DIAPH3: variants seen among roughly 807,000 people sequenced by gnomAD.
The protein encoded by DIAPH3 is protein diaphanous homolog 3.
Under a neutral mutation model 144.3 loss-of-function variants are expected in DIAPH3, and 117 were observed. The ratio of observed to expected loss-of-function variants is 0.81; its 90% CI spans 0.70 to 0.95. The LOEUF is 0.95. Ranked by LOEUF, DIAPH3 falls within the 40% of genes least tolerant of loss-of-function variation. The probability of loss-of-function intolerance (pLI) is 0.00; values close to 1 mark genes in which losing one functional copy is unlikely to be tolerated. For synonymous variants in DIAPH3, 519 were observed against 488.9 expected (o/e 1.06, Z -0.81); for missense variants, 1,421 against 1,412.7 (o/e 1.01, Z -0.09).
At chr13:59,746,614 T>C (rs969498294) in intron 27 of DIAPH3, among the ~76,000 whole-genome samples, 2 of 152,302 alleles carry the variant, frequency 1.3e-5, no homozygotes, top group East Asian at 1.9e-4. Context: ...TTCCAGATCA[T>C]TATCTCCAAA....
intron 2 of DIAPH3, 76 bp downstream of exon 2, chr13:60,132,881 T>C (rs2138236119): frequency 1.6e-6 from 2 of 1,255,312 alleles, no homozygotes; most frequent in Non-Finnish European, 2.3e-6. Context: ...ATTTCAAAGA[T>C]GTTAGCAGAG....
intron 4 of DIAPH3, among the ~76,000 whole-genome samples, chr13:60,076,084 G>A (rs2057369490): frequency 6.6e-6 from 1 of 152,226 alleles, no homozygotes; most frequent in Non-Finnish European, 1.5e-5. Flanking sequence ...TTTGGCACAA[G>A]TCCAGCTTGT....
chr13:60,008,190 G>A (rs530206768), intron 9 of DIAPH3, among the ~76,000 whole-genome samples: 12 of 152,064 alleles, frequency 7.9e-5, no homozygotes, highest in Admixed American at 2.6e-4. Context: ...TCAGGAGATC[G>A]AGACCATCCT....
At chr13:60,020,291 C>A (rs1436602420) in intron 5 of DIAPH3, among the ~76,000 whole-genome samples, 3 of 152,188 alleles carry the variant, frequency 2.0e-5, no homozygotes, top group Admixed American at 2.0e-4. Context: ...GATCTCCACA[C>A]CATTACTGAA....
At chr13:59,768,336 T>C (rs936835826) in intron 27 of DIAPH3, among the ~76,000 whole-genome samples, 10 of 152,172 alleles carry the variant, frequency 6.6e-5, no homozygotes, top group Admixed American at 5.9e-4. Flanking sequence ...TTTAATATAT[T>C]GTTCCTTATG....
At chr13:59,859,457 A>G (rs1317783392) in intron 22 of DIAPH3, among the ~76,000 whole-genome samples, 2 of 152,218 alleles carry the variant, frequency 1.3e-5, no homozygotes, top group Non-Finnish European at 2.9e-5. Context: ...AAAGAATTTT[A>G]AGTATGAGTC....
intron 4 of DIAPH3, among the ~76,000 whole-genome samples, chr13:60,065,822 T>C (rs983411519): frequency 4.6e-5 from 7 of 152,010 alleles, no homozygotes; most frequent in East Asian, 1.9e-4. Flanking sequence ...TGGGGGTGGG[T>C]AGGTAATTAA....
chr13:60,090,125 G>A (rs1401377268), intron 4 of DIAPH3, among the ~76,000 whole-genome samples: 1 of 152,140 alleles, frequency 6.6e-6, no homozygotes, highest in African/African-American at 2.4e-5. Context: ...TTTCATGAGG[G>A]AGGGAAACCT....
At chr13:59,851,511 T>A (rs779646379) in intron 22 of DIAPH3, among the ~76,000 whole-genome samples, 1 of 152,344 alleles carries the variant, frequency 6.6e-6, no homozygotes, top group African/African-American at 2.4e-5. Flanking sequence ...TTGGCTTGGT[T>A]CTATATCTGC....
chr13:59,686,655 A>G (rs1168960043), intron 27 of DIAPH3, among the ~76,000 whole-genome samples: 1 of 152,116 alleles, frequency 6.6e-6, no homozygotes, highest in Non-Finnish European at 1.5e-5. Context: ...TGTAGCAAAT[A>G]TAATCTCTGA....
intron 20 of DIAPH3, among the ~76,000 whole-genome samples, chr13:59,895,420 A>T: frequency 6.7e-6 from 1 of 149,368 alleles, no homozygotes; most frequent in Non-Finnish European, 1.5e-5. Flanking sequence ...AACTTGATCC[A>T]ATGTTAAAGG....
At chr13:60,093,803 G>A in intron 3 of DIAPH3, 71 bp from the exon 4 acceptor site, 1 of 966,114 alleles carries the variant, frequency 1.0e-6, no homozygotes, top group South Asian at 1.3e-5. Context: ...CACTACAAAT[G>A]GAAAAATCAA....
intron 17 of DIAPH3, among the ~76,000 whole-genome samples, chr13:59,960,201 G>T (rs573096364): frequency 2.6e-5 from 4 of 152,300 alleles, no homozygotes; most frequent in South Asian, 4.1e-4. Flanking sequence ...TACCTGTGAA[G>T]CTAGTAGGGA....
intron 14 of DIAPH3, among the ~76,000 whole-genome samples, chr13:59,975,727 G>T (rs951659295): frequency 2.0e-5 from 3 of 151,960 alleles, no homozygotes; most frequent in African/African-American, 7.2e-5. Flanking sequence ...TTACAGGGAA[G>T]GAAGGTAAAT....
chr13:60,015,775 T>C (rs950045635), intron 7 of DIAPH3, 138 bp downstream of exon 7: 2 of 803,152 alleles, frequency 2.5e-6, no homozygotes, highest in East Asian at 2.7e-5. Context: ...CAGTTGAAAC[T>C]AGAATTCAAT....
intron 20 of DIAPH3, among the ~76,000 whole-genome samples, chr13:59,904,918 A>G (rs1310060395): frequency 6.6e-6 from 1 of 152,178 alleles, no homozygotes; most frequent in Non-Finnish European, 1.5e-5. Flanking sequence ...CAATAAATAC[A>G]TAATAACTGC....
intron 27 of DIAPH3, among the ~76,000 whole-genome samples, chr13:59,757,392 C>CTTTTTTTTT (rs558678599): frequency 1.1e-5 from 1 of 93,046 alleles, no homozygotes; most frequent in Non-Finnish European, 2.0e-5. Context: ...ATGGGTCATC[C>CTTTTTTTTT]TTTTTTTTTT....
intron 1 of DIAPH3, among the ~76,000 whole-genome samples, chr13:60,152,104 A>AC (rs1951815690): frequency 6.6e-6 from 1 of 152,224 alleles, no homozygotes; most frequent in Admixed American, 6.5e-5. Context: ...AAAATGCAGC[A>AC]ATTACGGGAT....
chr13:60,052,625 G>A (rs1451486606), intron 4 of DIAPH3, among the ~76,000 whole-genome samples: 1 of 152,090 alleles, frequency 6.6e-6, no homozygotes, highest in African/African-American at 2.4e-5. Flanking sequence ...ATTCATCACT[G>A]TAACACCAAT....
Sources: allele counts gnomAD v4.1 joint callset (sites outside exome capture counted in the v4.1 genomes callset), GRCh38; gene constraint gnomAD v4.1.1; transcripts MANE v1.5; gene names NCBI Gene and HGNC (gene_info 2026-07-23, HGNC 2026-07-21).